The following PCDHGB4 variants were observed in gnomAD, a reference collection of about 807,000 sequenced individuals.
PCDHGB4 encodes the protein protocadherin gamma-B4.
Under a neutral mutation model 60.5 loss-of-function variants are expected in PCDHGB4, and 38 were observed. That is an observed-to-expected ratio of 0.63 (90% CI 0.48 to 0.82). The LOEUF is 0.82. PCDHGB4 is among the 40% of genes least tolerant of loss of function. PCDHGB4 has a pLI of 0.00. For synonymous variants in PCDHGB4, 456 were observed against 509.7 expected, an observed-to-expected ratio of 0.89 and a Z score of 1.42; for missense variants, 1,109 against 1,209.6, an observed-to-expected ratio of 0.92 and a Z score of 1.23.
intron 1 of PCDHGB4, chr5:141,404,291 G>A (rs755978034): frequency 6.2e-7 from 1 of 1,613,956 alleles, no homozygotes; most frequent in Non-Finnish European, 8.5e-7. Context: ...TGACATCAAT[G>A]ATAATCCACC....
chr5:141,465,979 G>A (rs779605313), intron 1 of PCDHGB4, among the ~76,000 whole-genome samples: 9 of 151,846 alleles, frequency 5.9e-5, no homozygotes, highest in Non-Finnish European at 1.3e-4. Flanking sequence ...AAAATTAGCC[G>A]GGCATGGTGG....
intron 2 of PCDHGB4, among the ~76,000 whole-genome samples, chr5:141,501,890 A>G (rs1046816316): frequency 6.6e-6 from 1 of 151,980 alleles, no homozygotes; most frequent in Non-Finnish European, 1.5e-5. Flanking sequence ...CCTGATCATC[A>G]TGGTTCCAAC....
At chr5:141,394,399 A>C in intron 1 of PCDHGB4, 3 of 1,614,206 alleles carry the variant, frequency 1.9e-6, no homozygotes, top group Non-Finnish European at 2.5e-6. Context: ...CGAGACCTGC[A>C]GCTACTGGTA....
chr5:141,437,728 A>T (rs1236819934), intron 1 of PCDHGB4, among the ~76,000 whole-genome samples: 1 of 150,908 alleles, frequency 6.6e-6, no homozygotes, highest in Non-Finnish European at 1.5e-5. Context: ...CTAATGTTAC[A>T]CTTTGAGTTC....
intron 1 of PCDHGB4, chr5:141,393,681 C>G (rs2092820491): frequency 1.2e-6 from 2 of 1,613,772 alleles, no homozygotes; most frequent in Non-Finnish European, 1.7e-6. Context: ...AAAACAAACT[C>G]CGTTATTCCA....
chr5:141,423,106 G>T lies in PCDHGB4; in HGVS notation c.2397+32825G>T, dbSNP rs562864937. On this transcript the variant is annotated intron_variant, in intron 1 of 3. Coordinates refer to ENST00000519479, the MANE Select transcript of PCDHGB4 (RefSeq NM_003736.4). ...CGCGGTGGGGGAGCACACGGGCGAGGTGCGTACAGCGCGGGCACTGCTGGA... is the reference window on the plus strand; with the variant it reads ...CGCGGTGGGGGAGCACACGGGCGAGTTGCGTACAGCGCGGGCACTGCTGGA... The T allele has an allele frequency of 1.2e-5, 19 of 1,613,894 alleles. No individual in the cohort carries two copies. The African/African-American group carries it at 2.1e-4, about 18-fold the overall frequency.
chr5:141,445,303 G>A (rs145466142), intron 1 of PCDHGB4, among the ~76,000 whole-genome samples: 327 of 152,332 alleles, frequency 2.1e-3, no homozygotes, highest in African/African-American at 7.6e-3. Context: ...ATTCTCTTCA[G>A]TTTGTAGGTT....
chr5:141,422,397 C>T (rs753017439), intron 1 of PCDHGB4: 4 of 1,597,606 alleles, frequency 2.5e-6, no homozygotes, highest in East Asian at 4.5e-5. Context: ...TTCCTAACCA[C>T]CTGCCTTTTA....
At position 141,388,842 on chromosome 5, in the gene PCDHGB4, A is replaced by G. The variant is rs1399936260; in HGVS notation, c.958A>G (p.Arg320Gly). 1 of 1,614,014 alleles carries G rather than the reference A, an allele frequency of 6.2e-7. No homozygotes were observed. Among genetic ancestry groups the G allele is most frequent in the Non-Finnish European group, 8.5e-7 (1 of 1,179,880 alleles). ...AGAATATTCCATAGTTTTGGAAGCA[A>G]GGGACGGTGGAGGAATGATTGCGCA... is the stretch of plus-strand genomic sequence containing the variant. ...VKEYSIVLEA[R>G]DGGGMIAQCT... The change falls in exon 1 of 4, where the codon AGG becomes GGG. Residue 320 changes from arginine (R) to glycine (G), a missense_variant. By Grantham distance (125) the Arg-to-Gly change is moderately radical. This residue lies in a region of PCDHGB4 where 1,068 missense variants were observed against 1,089.9 expected (regional missense o/e 0.98). Coordinates refer to ENST00000519479, the MANE Select transcript of PCDHGB4 (RefSeq NM_003736.4).
chr5:141,422,166 T>G (rs370704205), intron 1 of PCDHGB4: 30 of 1,569,256 alleles, frequency 1.9e-5, no homozygotes, highest in Non-Finnish European at 2.5e-5. Flanking sequence ...TTGAAAAATA[T>G]AGATTCTATG....
At chr5:141,454,824 T>C (rs1231148585) in intron 1 of PCDHGB4, among the ~76,000 whole-genome samples, 1 of 127,218 alleles carries the variant, frequency 7.9e-6, no homozygotes, top group African/African-American at 3.3e-5. Flanking sequence ...TTTTTTTTTT[T>C]TGAGACAGAG....
chr5:141,498,960 G>GGAGA (rs1381042115), intron 2 of PCDHGB4, among the ~76,000 whole-genome samples: 9 of 118,744 alleles, frequency 7.6e-5, no homozygotes, highest in African/African-American at 2.8e-4. Context: ...AGAGAGAGAG[G>GGAGA]GAGGGAGGGA....
chr5:141,420,269 A>C, intron 1 of PCDHGB4: 1 of 1,544,558 alleles, frequency 6.5e-7, no homozygotes, highest in Non-Finnish European at 8.8e-7. Flanking sequence ...GAAGATTCTT[A>C]AACAGGTAAG....
rs754034325 is a variant in PCDHGB4 at position 141,413,380 on chromosome 5, C to T, written c.2397+23099C>T. On this transcript the variant is annotated intron_variant, in intron 1 of 3. Coordinates refer to ENST00000519479, the MANE Select transcript of PCDHGB4 (RefSeq NM_003736.4). ...CCGGGAGCTGGCGGAGCGCGGAGTC[C>T]GCATAGTCTCCAGAGGTAGGACGCA... is the stretch of plus-strand genomic sequence containing the variant. 4 of 1,613,962 alleles carry T rather than the reference C, an allele frequency of 2.5e-6. No individual in the cohort carries two copies. In the Middle Eastern group the frequency reaches 5.0e-4, roughly 200 times the overall value.
At chr5:141,449,407 G>A (rs1367837385) in intron 1 of PCDHGB4, among the ~76,000 whole-genome samples, 2 of 151,754 alleles carry the variant, frequency 1.3e-5, no homozygotes, top group Non-Finnish European at 2.9e-5. Flanking sequence ...AGGAGTTCAA[G>A]ACCAGCCTGG....
At chr5:141,428,616 G>A (rs2097151212) in intron 1 of PCDHGB4, 1 of 207,844 alleles carries the variant, frequency 4.8e-6, no homozygotes, top group Admixed American at 5.3e-5. Flanking sequence ...AGAATAACAA[G>A]ATAAGCTCTA....
chr5:141,398,937 C>A, intron 1 of PCDHGB4: 1 of 1,613,902 alleles, frequency 6.2e-7, no homozygotes. Context: ...CTGACCAAGA[C>A]GAGGGCATCA....
chr5:141,461,591 C>T (rs1368759571), intron 1 of PCDHGB4, among the ~76,000 whole-genome samples: 1 of 152,088 alleles, frequency 6.6e-6, no homozygotes, highest in Non-Finnish European at 1.5e-5. Flanking sequence ...GTTATATTTC[C>T]ATTATAATTT....
rs1280755615 is a variant in PCDHGB4 at position 141,431,629 on chromosome 5, A to C, written c.2397+41348A>C. On this transcript the variant is annotated intron_variant, in intron 1 of 3. Transcript: ENST00000519479. This position sits in a 1 kb window ranked among gnomAD's most constrained non-coding sequence, Gnocchi z 4.8. ...GGTATGTGGACGACAAGGCGGCCCA[A>C]GTTTTCAAACTAGATTGTAATTCAG... 6.2e-7 allele frequency: 1 copy of C among 1,614,246 alleles called. No individual in the cohort carries two copies. Among genetic ancestry groups the C allele is most frequent in the South Asian group, 1.1e-5 (1 of 91,090 alleles).
Sources: allele counts gnomAD v4.1 joint callset (sites outside exome capture counted in the v4.1 genomes callset), GRCh38; gene constraint gnomAD v4.1.1; regional missense constraint gnomAD v4.1.1; non-coding constraint Gnocchi (gnomAD v3.1); transcripts MANE v1.5; gene names NCBI Gene and HGNC (gene_info 2026-07-23, HGNC 2026-07-21).